ITPR1: variants seen among roughly 807,000 people sequenced by gnomAD.
The protein encoded by ITPR1 is inositol 1,4,5-trisphosphate receptor type 1.
A neutral mutation model predicts 318.4 loss-of-function variants in ITPR1; 96 were observed. The ratio of observed to expected loss-of-function variants is 0.30; its 90% CI spans 0.26 to 0.36. ITPR1 has a LOEUF of 0.36. ITPR1 is among the 10% of genes least tolerant of loss of function. ITPR1 has a pLI of 1.00. For missense variants in ITPR1, 2,440 were observed against 3,460.2 expected, an observed-to-expected ratio of 0.71 and a Z score of 7.40; for synonymous variants, 1,312 against 1,289.9, an observed-to-expected ratio of 1.02 and a Z score of -0.37.
At chr3:4,665,625 G>T (rs937174079) in intron 17 of ITPR1, among the ~76,000 whole-genome samples, 2 of 152,116 alleles carry the variant, frequency 1.3e-5, no homozygotes, top group African/African-American at 4.8e-5. Flanking sequence ...TAAAGATATA[G>T]TGGAGTCTTT....
intron 44 of ITPR1, among the ~76,000 whole-genome samples, chr3:4,736,519 G>T (rs891850502): frequency 6.6e-6 from 1 of 152,156 alleles, no homozygotes; most frequent in Non-Finnish European, 1.5e-5. Flanking sequence ...TCCAATCCCC[G>T]CTTCCCCCAA....
Position 4,662,222 on chromosome 3 carries a change from C to T in ITPR1, c.1392C>T (p.Thr464=), listed in dbSNP as rs533229790. ...TTGCTGGGAAGCTAGAGAAGGGCAC[C>T]ATCACCCAGAATGAAAGGAGGTGAG... is the stretch of plus-strand genomic sequence containing the variant. ...GSIAGKLEKG[T]ITQNERRSVT... The change falls in exon 15 of 62, where the codon ACC becomes ACT. Residue 464 remains threonine, a synonymous_variant. Transcript: ENST00000649015. The T allele has an allele frequency of 3.4e-5, 55 of 1,610,240 alleles. 3 individuals are homozygous for T. The South Asian group carries it at 5.3e-4, about 16-fold the overall frequency.
chr3:4,569,415 T>G (rs1476213848), intron 4 of ITPR1, among the ~76,000 whole-genome samples: 2 of 152,260 alleles, frequency 1.3e-5, no homozygotes, highest in Non-Finnish European at 2.9e-5. Flanking sequence ...ATTTTATGTT[T>G]TTATAAGTCA....
chr3:4,763,600 T>A (rs1425317115), intron 44 of ITPR1, among the ~76,000 whole-genome samples: 1 of 152,256 alleles, frequency 6.6e-6, no homozygotes, highest in Non-Finnish European at 1.5e-5. Flanking sequence ...CTTCTAGACC[T>A]TATTATCCAT....
chr3:4,690,060 T>C (rs1437660541), intron 31 of ITPR1, among the ~76,000 whole-genome samples: 2 of 152,220 alleles, frequency 1.3e-5, no homozygotes, highest in African/African-American at 4.8e-5. Context: ...GCGGATCACT[T>C]GAGATCAGGA....
In ITPR1 at chr3:4,670,937, C is replaced by T. The variant is rs368394162; in HGVS notation, c.2204+11C>T. ...TCTCAGCTACTACAGGTGCGTGGGACACGTGTGGGGCTCAGATTGGGGTGC... is the reference window on the plus strand; with the variant it reads ...TCTCAGCTACTACAGGTGCGTGGGATACGTGTGGGGCTCAGATTGGGGTGC... On this transcript the variant is annotated intron_variant, in intron 20 of 61. Coordinates refer to ENST00000649015, the MANE Select transcript of ITPR1 (RefSeq NM_001378452.1). The T allele has an allele frequency of 2.0e-6, 3 of 1,536,594 alleles. No homozygotes were observed. The East Asian group carries it at 6.9e-5, about 35-fold the overall frequency.
chr3:4,782,302 T>G, intron 49 of ITPR1: 1 of 197,018 alleles, frequency 5.1e-6, no homozygotes. Flanking sequence ...CTAGCCTACA[T>G]TCATATCATA....
chr3:4,671,065 T>C, intron 20 of ITPR1, 139 bp downstream of exon 20: 1 of 640,270 alleles, frequency 1.6e-6, no homozygotes, highest in Non-Finnish European at 2.5e-6. Flanking sequence ...GCCAGATGTG[T>C]GTTTTAGGAG....
At chr3:4,612,629 G>T (rs2092201085) in intron 4 of ITPR1, among the ~76,000 whole-genome samples, 1 of 152,056 alleles carries the variant, frequency 6.6e-6, no homozygotes, top group African/African-American at 2.4e-5. Flanking sequence ...GCTCATGCCT[G>T]TAATCCCAGC....
chr3:4,675,018 G>A (rs2094155701), intron 22 of ITPR1, 50 bp from the exon 23 acceptor site: 1 of 979,586 alleles, frequency 1.0e-6, no homozygotes, highest in Admixed American at 2.1e-5. Flanking sequence ...GGAATTGAAG[G>A]GGATGCAGTT....
chr3:4,503,702 G>A (rs1458968107), intron 2 of ITPR1, among the ~76,000 whole-genome samples: 2 of 151,998 alleles, frequency 1.3e-5, no homozygotes, highest in Admixed American at 6.5e-5. Flanking sequence ...ACACACACAC[G>A]CAACGGAGAC....
chr3:4,578,698 G>C (rs142458356), intron 4 of ITPR1, among the ~76,000 whole-genome samples: 1 of 152,156 alleles, frequency 6.6e-6, no homozygotes, highest in Non-Finnish European at 1.5e-5. Context: ...AGATTTAAAC[G>C]TGGTTGGCGC....
intron 10 of ITPR1, among the ~76,000 whole-genome samples, chr3:4,648,341 C>G (rs1213070221): frequency 1.3e-5 from 2 of 152,182 alleles, no homozygotes; most frequent in Non-Finnish European, 2.9e-5. Flanking sequence ...GTCAATCCTA[C>G]TAGATTATAA....
Position 4,660,986 on chromosome 3 carries a change from A to C in ITPR1, c.1152-2A>C. 1.3e-6 allele frequency: 2 copies of C among 1,527,926 alleles called. No individual in the cohort carries two copies. Among genetic ancestry groups the C allele is most frequent in the Non-Finnish European group, 1.8e-6 (2 of 1,111,662 alleles). The allele number at this position is 1,527,926 out of a possible 1,614,324, so 94.6% of individuals were successfully genotyped here. Reference sequence around the variant, plus strand: ...CTAAAACCCTCCTTTTTTCCCTGTTAGGAACTCTTATGTTCGGCTCAGACA... The same window carrying C: ...CTAAAACCCTCCTTTTTTCCCTGTTCGGAACTCTTATGTTCGGCTCAGACA... On this transcript the variant is annotated splice_acceptor_variant, in intron 13 of 61. Transcript: ENST00000649015. LOFTEE classifies it high-confidence loss of function.
At chr3:4,659,544 G>A (rs980052765) in intron 13 of ITPR1, among the ~76,000 whole-genome samples, 1 of 152,046 alleles carries the variant, frequency 6.6e-6, no homozygotes. Context: ...AAATTTAACC[G>A]GGCATGGTGG....
At chr3:4,678,703 G>A (rs1161292617) in intron 24 of ITPR1, among the ~76,000 whole-genome samples, 2 of 152,148 alleles carry the variant, frequency 1.3e-5, no homozygotes, top group African/African-American at 4.8e-5. Flanking sequence ...AGGGTTGATG[G>A]AGGAGGTAGG....
At chr3:4,497,632 T>C (rs988162110) in intron 2 of ITPR1, among the ~76,000 whole-genome samples, 6 of 152,190 alleles carry the variant, frequency 3.9e-5, no homozygotes, top group Admixed American at 6.5e-5. Flanking sequence ...GTGAAGCTGC[T>C]GTGGAAAACA....
At chr3:4,627,475 C>CA (rs985945898) in intron 4 of ITPR1, among the ~76,000 whole-genome samples, 3 of 151,370 alleles carry the variant, frequency 2.0e-5, no homozygotes, top group East Asian at 1.9e-4. Flanking sequence ...AAAACAAAAA[C>CA]AAAAAAGCAA....
At chr3:4,535,706 A>C (rs561153692) in intron 4 of ITPR1, among the ~76,000 whole-genome samples, 116 of 152,056 alleles carry the variant, frequency 7.6e-4, no homozygotes, top group Middle Eastern at 3.4e-3. Context: ...CGGCCTCCCA[A>C]AGTGCTGGGA....
Sources: allele counts gnomAD v4.1 joint callset (sites outside exome capture counted in the v4.1 genomes callset), GRCh38; gene constraint gnomAD v4.1.1; transcripts MANE v1.5; gene names NCBI Gene and HGNC (gene_info 2026-07-23, HGNC 2026-07-21).